Variants in DNAJC18 observed in about 807,000 individuals in gnomAD.
The protein encoded by DNAJC18 is DnaJ heat shock protein family (Hsp40) member C18.
DNAJC18 carries 40 observed loss-of-function variants against 48.6 expected under a neutral mutation model. That is an observed-to-expected ratio of 0.82 (90% CI 0.64 to 1.07). DNAJC18 has a LOEUF of 1.07. Ranked by LOEUF, DNAJC18 falls within the 50% of genes least tolerant of loss-of-function variation. The probability of loss-of-function intolerance (pLI) is 0.00; values close to 1 mark genes in which losing one functional copy is unlikely to be tolerated. For missense variants in DNAJC18, 340 were observed against 427.7 expected (o/e 0.79, Z 1.81); for synonymous variants, 135 against 152.2 (o/e 0.89, Z 0.83).
chr5:139,422,615 G>T, intron 6 of DNAJC18, 93 bp downstream of exon 6: 2 of 989,334 alleles, frequency 2.0e-6, no homozygotes, highest in Non-Finnish European at 3.1e-6. Context: ...TACAGCAAAA[G>T]GTGAAATGAA....
In DNAJC18 at chr5:139,439,471, C is replaced by G. The variant is rs772362767; in HGVS notation, c.-26G>C. On this transcript the variant is annotated 5_prime_UTR_variant, in exon 1 of 8. Transcript: ENST00000302060. This position sits in a 1 kb window ranked among gnomAD's most constrained non-coding sequence, Gnocchi z 4.1. ...ATCGGTTCCCAATCAGCAGGTCCGC[C>G]GAGCCTCCCCCGTGCCCGAGGCTGA... is the stretch of plus-strand genomic sequence containing the variant. 7.4e-6 allele frequency: 12 copies of G among 1,613,732 alleles called. No individual in the cohort carries two copies. Among genetic ancestry groups the G allele is most frequent in the South Asian group, 1.1e-5 (1 of 91,080 alleles).
At chr5:139,435,995 A>G (rs912881725) in intron 2 of DNAJC18, among the ~76,000 whole-genome samples, 4 of 151,156 alleles carry the variant, frequency 2.6e-5, no homozygotes, top group Admixed American at 6.6e-5. Context: ...AAGTAATGGG[A>G]TTACAGGCAT....
chr5:139,439,289 C>G lies in DNAJC18; in HGVS notation c.40+117G>C. 1 of 1,513,078 alleles carries G rather than the reference C, an allele frequency of 6.6e-7. No individual in the cohort carries two copies. The highest frequency in any genetic ancestry group is 1.4e-5 in the African/African-American group (1 of 72,588). 93.7% of individuals were successfully genotyped at this position (1,513,078 alleles called of 1,614,324 possible). ...CCTACTCAGGCTCAGCATCTTTTCA[C>G]AGGCCTCTATCCATCACCTCAGACC... On this transcript the variant is annotated intron_variant, in intron 1 of 7. Coordinates refer to ENST00000302060, the MANE Select transcript of DNAJC18 (RefSeq NM_152686.4). This position sits in a 1 kb window ranked among gnomAD's most constrained non-coding sequence, Gnocchi z 4.1.
chr5:139,421,070 C>A (rs961064180), intron 6 of DNAJC18, among the ~76,000 whole-genome samples: 5 of 152,108 alleles, frequency 3.3e-5, no homozygotes, highest in Admixed American at 2.0e-4. Context: ...ACCCCGCTGG[C>A]CTCACAAGAA....
In DNAJC18 at chr5:139,420,096, G is replaced by A. The variant is rs865848705; in HGVS notation, c.909C>T (p.Tyr303=). ...HDLEKTIEKD[Y]IDYIQTSCWK... ...AACAACTAGTCTGGATATAATCAATGTAATCCTTCTCTATTGTTTTCTCCA... is the reference window on the plus strand; with the variant it reads ...AACAACTAGTCTGGATATAATCAATATAATCCTTCTCTATTGTTTTCTCCA... The change falls in exon 7 of 8, where the codon TAC becomes TAT. Residue 303 remains tyrosine (Y), a synonymous_variant. Transcript: ENST00000302060. The A allele has an allele frequency of 6.2e-7, 1 of 1,604,210 alleles. No homozygotes were observed. The highest frequency in any genetic ancestry group is 8.5e-7 in the Non-Finnish European group (1 of 1,177,250).
At chr5:139,418,635 T>C in intron 7 of DNAJC18, 1 of 388,386 alleles carries the variant, frequency 2.6e-6, no homozygotes, top group Non-Finnish European at 5.3e-6. Flanking sequence ...AACTTCCTAA[T>C]GCACCTTGAG....
intron 7 of DNAJC18, among the ~76,000 whole-genome samples, chr5:139,417,740 ATT>A (rs1173448169): frequency 1.3e-5 from 2 of 151,826 alleles, no homozygotes; most frequent in Non-Finnish European, 2.9e-5. Flanking sequence ...CACCCAGCTA[ATT>A]TTTGTATTTT....
At chr5:139,426,605 C>T (rs1367400433) in intron 3 of DNAJC18, among the ~76,000 whole-genome samples, 1 of 152,184 alleles carries the variant, frequency 6.6e-6, no homozygotes, top group Non-Finnish European at 1.5e-5. Context: ...AACTCCCAAT[C>T]AACAGTCCTG....
chr5:139,426,023 A>G, intron 4 of DNAJC18, 149 bp downstream of exon 4: 1 of 850,098 alleles, frequency 1.2e-6, no homozygotes. Context: ...TGGGGGCTGG[A>G]GACTTGCCTC....
chr5:139,422,856 TC>T, intron 5 of DNAJC18, 39 bp from the exon 6 acceptor site: 1 of 1,456,408 alleles, frequency 6.9e-7, no homozygotes, highest in South Asian at 1.2e-5. Flanking sequence ...CTGTAAGTGT[TC>T]TTTTTTTTTT....
At chr5:139,437,284 A>G in intron 2 of DNAJC18, 88 bp downstream of exon 2, 1 of 1,428,878 alleles carries the variant, frequency 7.0e-7, no homozygotes, top group African/African-American at 1.4e-5. Flanking sequence ...CATCATCATT[A>G]TCATCAGTCA....
chr5:139,431,101 A>G (rs1759323843), intron 2 of DNAJC18, among the ~76,000 whole-genome samples: 2 of 152,142 alleles, frequency 1.3e-5, no homozygotes, highest in South Asian at 2.1e-4. Flanking sequence ...TGAGCTGCCC[A>G]TGGGGAGTCT....
intron 1 of DNAJC18, among the ~76,000 whole-genome samples, chr5:139,438,824 G>A (rs1039674283): frequency 6.6e-6 from 1 of 152,040 alleles, no homozygotes; most frequent in African/African-American, 2.4e-5. Context: ...TGTATTATTC[G>A]CCCGTTTTGT....
Position 139,413,097 on chromosome 5 carries a change from A to ATG in DNAJC18, c.*1049_*1050dup. 1 of 395,150 alleles carries ATG rather than the reference A, an allele frequency of 2.5e-6. No individual in the cohort carries two copies. The highest frequency in any genetic ancestry group is 6.4e-4 in the Middle Eastern group (1 of 1,572). 24.5% of individuals were successfully genotyped at this position (395,150 alleles called of 1,614,324 possible). A position where few individuals can be genotyped will look rare whatever the true frequency, so the allele number is the denominator to read the frequency against. On this transcript the variant is annotated 3_prime_UTR_variant, in exon 8 of 8. Coordinates refer to ENST00000302060, the MANE Select transcript of DNAJC18 (RefSeq NM_152686.4). Reference sequence around the variant, plus strand: ...TGTGAGGAGGTTTAAGTAAGAAAATATGTGTGAGAGCCCCTGCTTTTATAG... The same window carrying ATG: ...TGTGAGGAGGTTTAAGTAAGAAAATATGTGTGTGAGAGCCCCTGCTTTTATAG...
chr5:139,414,065 T>G lies in DNAJC18; in HGVS notation c.*83A>C. The stretch of plus-strand genomic sequence containing the variant: ...AAATAGTAAAGTGTTCATCATTACC[T>G]AGTTTTGTATTATAAAATGGAATCA... On this transcript the variant is annotated 3_prime_UTR_variant, in exon 8 of 8. Transcript: ENST00000302060. 1 of 1,548,294 alleles carries G rather than the reference T, an allele frequency of 6.5e-7. No homozygotes were observed. Among genetic ancestry groups the G allele is most frequent in the Non-Finnish European group, 8.7e-7 (1 of 1,150,572 alleles).
intron 2 of DNAJC18, among the ~76,000 whole-genome samples, chr5:139,433,559 T>A (rs1311700320): frequency 2.6e-5 from 4 of 152,174 alleles, no homozygotes; most frequent in Admixed American, 6.5e-5. Flanking sequence ...ATGTGGCATT[T>A]TAAGCAGATA....
chr5:139,420,247 T>C, intron 6 of DNAJC18, 22 bp from the exon 7 acceptor site: 1 of 1,584,222 alleles, frequency 6.3e-7, no homozygotes, highest in Non-Finnish European at 8.5e-7. Context: ...AGAGAGAGGC[T>C]CATGTGAGCT....
intron 5 of DNAJC18, among the ~76,000 whole-genome samples, chr5:139,423,439 G>C (rs116742195): frequency 1.7e-3 from 262 of 149,830 alleles, no homozygotes; most frequent in African/African-American, 6.3e-3. Context: ...ACCCAGGCTA[G>C]AGTACAGTGA....
intron 2 of DNAJC18, among the ~76,000 whole-genome samples, chr5:139,433,868 C>T (rs1169497709): frequency 6.6e-6 from 1 of 152,152 alleles, no homozygotes; most frequent in Non-Finnish European, 1.5e-5. Flanking sequence ...TATGTCCATG[C>T]TCCATGGTTT....
Sources: allele counts gnomAD v4.1 joint callset (sites outside exome capture counted in the v4.1 genomes callset), GRCh38; gene constraint gnomAD v4.1.1; non-coding constraint Gnocchi (gnomAD v3.1); transcripts MANE v1.5; gene names NCBI Gene and HGNC (gene_info 2026-07-23, HGNC 2026-07-21).